The following IL23R variants were observed in gnomAD, a reference collection of about 807,000 sequenced individuals.
IL23R encodes the protein interleukin-23 receptor.
Under a neutral mutation model 56.9 loss-of-function variants are expected in IL23R, and 34 were observed. The observed-to-expected ratio is 0.60, with a 90% confidence interval of 0.45 to 0.80. The LOEUF (loss-of-function observed/expected upper bound fraction) is 0.80. IL23R is among the 30% of genes least tolerant of loss of function. IL23R has a pLI of 0.00. For missense variants in IL23R, 635 were observed against 730.0 expected (o/e 0.87, Z 1.50); for synonymous variants, 230 against 249.2 (o/e 0.92, Z 0.73).
intron 7 of IL23R, among the ~76,000 whole-genome samples, chr1:67,228,042 TC>T (rs745539325): frequency 2.5e-4 from 11 of 44,062 alleles, no homozygotes; most frequent in Admixed American, 5.8e-4. Context: ...TTTCTTTCTT[TC>T]TCTTTCTTTC....
rs764409261 is a variant in IL23R, at chr1:67,240,131, A to C, written c.1046-48A>C. ...AAAGAGAATAGTAATTCTGGTATCAAATGAAGACTAATGCTTGGTTAAAAT... is the reference window on the plus strand; with the variant it reads ...AAAGAGAATAGTAATTCTGGTATCACATGAAGACTAATGCTTGGTTAAAAT... On this transcript the variant is annotated intron_variant, in intron 8 of 10. Transcript: ENST00000347310. 3 of 1,245,368 alleles carry C rather than the reference A, an allele frequency of 2.4e-6. No homozygotes were observed. The African/African-American group carries it at 4.4e-5, about 18-fold the overall frequency. 77.1% of individuals were successfully genotyped at this position (1,245,368 alleles called of 1,614,324 possible).
At chr1:67,204,510 T>C (rs1380401978) in intron 5 of IL23R, among the ~76,000 whole-genome samples, 1 of 152,220 alleles carries the variant, frequency 6.6e-6, no homozygotes, top group Non-Finnish European at 1.5e-5. Context: ...ACTGACCTGC[T>C]TTATGCTGTG....
chr1:67,221,283 T>C (rs1009674383), intron 7 of IL23R, among the ~76,000 whole-genome samples: 4 of 152,172 alleles, frequency 2.6e-5, no homozygotes, highest in Admixed American at 2.6e-4. Flanking sequence ...ATCGCGCCAC[T>C]GCACTCCAGC....
intron 4 of IL23R, among the ~76,000 whole-genome samples, chr1:67,184,826 C>A (rs1039918450): frequency 4.6e-5 from 7 of 152,096 alleles, no homozygotes; most frequent in Non-Finnish European, 1.0e-4. Context: ...TCCTAAAATT[C>A]ATATGTTGAA....
At chr1:67,232,119 T>C (rs1226670062) in intron 7 of IL23R, among the ~76,000 whole-genome samples, 2 of 152,226 alleles carry the variant, frequency 1.3e-5, no homozygotes, top group Non-Finnish European at 2.9e-5. Flanking sequence ...TAACATTTTT[T>C]TTAAATAATA....
chr1:67,153,405 A>T (rs1345299828), intron 1 of IL23R, among the ~76,000 whole-genome samples: 1 of 151,672 alleles, frequency 6.6e-6, no homozygotes, highest in African/African-American at 2.4e-5. Context: ...CAGCTCCTGG[A>T]TTCATCGATT....
At chr1:67,142,764 C>T (rs1013272221) in intron 1 of IL23R, among the ~76,000 whole-genome samples, 5 of 152,116 alleles carry the variant, frequency 3.3e-5, no homozygotes, top group Non-Finnish European at 5.9e-5. Flanking sequence ...GATGGGGTTT[C>T]GCCATGTTGG....
chr1:67,155,254 G>A (rs1485700505), intron 1 of IL23R, among the ~76,000 whole-genome samples: 1 of 152,118 alleles, frequency 6.6e-6, no homozygotes, highest in Non-Finnish European at 1.5e-5. Context: ...TGGAGAATCT[G>A]ATGATTATGT....
At chr1:67,237,684 G>A (rs984512384) in intron 8 of IL23R, among the ~76,000 whole-genome samples, 10 of 152,116 alleles carry the variant, frequency 6.6e-5, no homozygotes, top group Admixed American at 1.3e-4. Context: ...CGTTTTAGGC[G>A]TAAAAAAATT....
chr1:67,204,836 T>C (rs1258701275), intron 5 of IL23R, among the ~76,000 whole-genome samples: 1 of 151,550 alleles, frequency 6.6e-6, no homozygotes, highest in African/African-American at 2.4e-5. Context: ...TGGAGTGCAG[T>C]GGCATGATCT....
intron 1 of IL23R, among the ~76,000 whole-genome samples, chr1:67,156,694 A>G (rs1350606184): frequency 1.3e-5 from 2 of 152,148 alleles, no homozygotes; most frequent in African/African-American, 4.8e-5. Flanking sequence ...CAGACTCCAG[A>G]CTGTTGTAAT....
At chr1:67,252,585 G>A (rs752161520) in intron 9 of IL23R, among the ~76,000 whole-genome samples, 74 of 152,264 alleles carry the variant, frequency 4.9e-4, no homozygotes, top group Non-Finnish European at 7.9e-4. Context: ...AAGGACACAA[G>A]TAGGTCCAAC....
intron 7 of IL23R, among the ~76,000 whole-genome samples, chr1:67,226,093 G>A (rs1045322711): frequency 1.3e-5 from 2 of 152,210 alleles, no homozygotes; most frequent in Admixed American, 1.3e-4. Context: ...CGTTACAGGA[G>A]GGGGAGCACA....
chr1:67,159,835 T>C (rs1646802483), intron 1 of IL23R, among the ~76,000 whole-genome samples: 1 of 152,160 alleles, frequency 6.6e-6, no homozygotes, highest in Non-Finnish European at 1.5e-5. Flanking sequence ...CTTATTAGGA[T>C]GAGGCTAAAG....
At chr1:67,236,875 A>C in intron 8 of IL23R, 73 bp downstream of exon 8, 3 of 962,762 alleles carry the variant, frequency 3.1e-6, no homozygotes, top group Non-Finnish European at 5.1e-6. Context: ...ATACTGAAAA[A>C]ATCACATCAG....
At chr1:67,208,687 A>G (rs1649249760) in intron 6 of IL23R, among the ~76,000 whole-genome samples, 1 of 152,204 alleles carries the variant, frequency 6.6e-6, no homozygotes, top group Admixed American at 6.5e-5. Flanking sequence ...GCCAGGTGAA[A>G]GTTTGCTGCA....
exon 1 of IL23R, chr1:67,138,966 G>C (rs1646608920): frequency 6.6e-6 from 1 of 152,358 alleles, no homozygotes; most frequent in African/African-American, 2.4e-5. Flanking sequence ...CTTCAGGGAA[G>C]AAGACTTCCT....
intron 1 of IL23R, among the ~76,000 whole-genome samples, chr1:67,146,488 T>C (rs1646680771): frequency 6.6e-6 from 1 of 152,166 alleles, no homozygotes; most frequent in African/African-American, 2.4e-5. Flanking sequence ...CCCCCTTCAC[T>C]CTAGGACTCA....
chr1:67,258,426 T>G lies in IL23R; in HGVS notation c.1240-52T>G, dbSNP rs1653068609. The G allele has an allele frequency of 2.1e-6, 3 of 1,395,472 alleles. No individual in the cohort carries two copies. The Admixed American group carries it at 5.9e-5, about 28-fold the overall frequency. The allele number at this position is 1,395,472 out of a possible 1,614,324, so 86.4% of individuals were successfully genotyped here. ...TTCCTATCCTCATTCAATTATCCAGTTGGTTCTTTTAAATGTCTTTTGCAA... is the reference window on the plus strand; with the variant it reads ...TTCCTATCCTCATTCAATTATCCAGGTGGTTCTTTTAAATGTCTTTTGCAA... On this transcript the variant is annotated intron_variant, in intron 10 of 10. Coordinates refer to ENST00000347310, the MANE Select transcript of IL23R (RefSeq NM_144701.3).
Sources: allele counts gnomAD v4.1 joint callset (sites outside exome capture counted in the v4.1 genomes callset), GRCh38; gene constraint gnomAD v4.1.1; transcripts MANE v1.5; gene names NCBI Gene and HGNC (gene_info 2026-07-23, HGNC 2026-07-21).